The following IQGAP3 variants were observed in gnomAD, a reference collection of about 807,000 sequenced individuals.
The protein encoded by IQGAP3 is IQ motif containing GTPase activating protein 3.
Under a neutral mutation model 208.2 loss-of-function variants are expected in IQGAP3, and 165 were observed. The observed-to-expected ratio is 0.79, with a 90% confidence interval of 0.70 to 0.90. The LOEUF is 0.90. Among genes scored for constraint, IQGAP3 ranks in the 40% least tolerant of loss-of-function variants. The pLI is 0.00. For missense variants in IQGAP3, 1,811 were observed against 2,043.1 expected, an observed-to-expected ratio of 0.89 and a Z score of 2.19; for synonymous variants, 703 against 803.6, an observed-to-expected ratio of 0.87 and a Z score of 2.12.
chr1:156,529,228 G>A lies in IQGAP3; in HGVS notation c.4405-146C>T. 4.6e-6 allele frequency: 4 copies of A among 874,254 alleles called. No homozygotes were observed. In the South Asian group the frequency reaches 6.7e-5, roughly 15 times the overall value. 54.2% of individuals were successfully genotyped at this position (874,254 alleles called of 1,614,324 possible). On this transcript the variant is annotated intron_variant, in intron 34 of 37. Transcript: ENST00000361170. Reference sequence around the variant, plus strand: ...GTTTTCCTAGAAGGAAAATCTCAAGGATGGTATTCCAAATCCTCAAGGCAT... The same window carrying A: ...GTTTTCCTAGAAGGAAAATCTCAAGAATGGTATTCCAAATCCTCAAGGCAT...
chr1:156,527,973 C>T lies in IQGAP3; in HGVS notation c.4761G>A (p.Glu1587=). ...TCACCTGATAGTGAAGCTGAAATCG[C>T]TCCATGTCCACACCCAGGAACTTGG... ...VNAKFLGVDM[E]RFQLHYQDLL... is the part of the protein sequence containing the mutation. Residue 1587 remains glutamate (E), a synonymous_variant, in exon 37 of 38, where the codon GAG becomes GAA. Transcript: ENST00000361170. 6 of 1,613,558 alleles carry T rather than the reference C, an allele frequency of 3.7e-6. No individual in the cohort carries two copies. The South Asian group carries it at 6.6e-5, about 18-fold the overall frequency.
At chr1:156,570,229 G>T (rs890019680) in intron 1 of IQGAP3, among the ~76,000 whole-genome samples, 12 of 152,166 alleles carry the variant, frequency 7.9e-5, no homozygotes, top group Admixed American at 7.9e-4. Flanking sequence ...TGGACTAGCA[G>T]ACCCCTACTC....
In IQGAP3 at chr1:156,535,167, T is replaced by G; in HGVS notation, c.3503A>C (p.Tyr1168Ser). The change falls in exon 28 of 38, where the codon TAT (tyrosine) becomes TCT (serine). Residue 1168 changes from tyrosine to serine, a missense_variant. Coordinates refer to ENST00000361170, the MANE Select transcript of IQGAP3 (RefSeq NM_178229.5). ...KFPDATDSEV[Y>S]KVVGNLLYYR... The stretch of plus-strand genomic sequence containing the variant: ...GGGTGGGGAGACAACACTTGCCTTA[T>G]AGACCTCGCTGTCTGTGGCGTCAGG... 1 of 1,612,606 alleles carries G rather than the reference T, an allele frequency of 6.2e-7. No homozygotes were observed. Among genetic ancestry groups the G allele is most frequent in the Non-Finnish European group, 8.5e-7 (1 of 1,178,776 alleles).
chr1:156,544,146 ACT>A lies in IQGAP3; in HGVS notation c.2460+4_2460+5del, dbSNP rs536405305. 5.6e-6 allele frequency: 9 copies of A among 1,614,000 alleles called. No individual in the cohort carries two copies. In the South Asian group the frequency reaches 7.7e-5, roughly 14 times the overall value. On this transcript the variant is annotated splice_donor_5th_base_variant and intron_variant, in intron 21 of 37. Coordinates refer to ENST00000361170, the MANE Select transcript of IQGAP3 (RefSeq NM_178229.5). ...ATGTGGGCAGGGGGAACAAGGTGAC[ACT>A]CACATTCTTCTGGAAGTAGTGCAGA...
chr1:156,558,357 G>A lies in IQGAP3; in HGVS notation c.1130-1664C>T, dbSNP rs1202096610. 6.7e-3 allele frequency among the ~76,000 whole-genome samples: 289 copies of A among 43,314 alleles called. 1 individual carries two copies. Among genetic ancestry groups the A allele is most frequent in the African/African-American group, 0.021 (256 of 12,020 alleles). 28.4% of individuals were successfully genotyped at this position (43,314 alleles called of 152,430 possible). ...GCCCCTCTGCCTGGCGAGCCGCCCCGTCCGGGAGGGTGGTGGGGGGGTCAG... is the reference window on the plus strand; with the variant it reads ...GCCCCTCTGCCTGGCGAGCCGCCCCATCCGGGAGGGTGGTGGGGGGGTCAG... On this transcript the variant is annotated intron_variant, in intron 11 of 37. Coordinates refer to ENST00000361170, the MANE Select transcript of IQGAP3 (RefSeq NM_178229.5).
chr1:156,560,311 A>G (rs971603818), intron 11 of IQGAP3, among the ~76,000 whole-genome samples: 1 of 152,136 alleles, frequency 6.6e-6, no homozygotes, highest in African/African-American at 2.4e-5. Flanking sequence ...CAGGAGTTTG[A>G]GACCCACCTG....
chr1:156,553,732 C>A (rs1675679501), intron 13 of IQGAP3, among the ~76,000 whole-genome samples: 1 of 152,128 alleles, frequency 6.6e-6, no homozygotes, highest in African/African-American at 2.4e-5. Flanking sequence ...GAGGCATGTG[C>A]CACCACGCCC....
At chr1:156,556,022 G>C (rs1675807072) in intron 12 of IQGAP3, among the ~76,000 whole-genome samples, 1 of 152,120 alleles carries the variant, frequency 6.6e-6, no homozygotes, top group African/African-American at 2.4e-5. Context: ...CCATTTCCTT[G>C]GTCTGAAGAC....
rs888996660 is a variant in IQGAP3 at position 156,525,858 on chromosome 1, C to G, written c.*628G>C. 1 of 152,824 alleles carries G rather than the reference C, an allele frequency of 6.5e-6. No individual in the cohort carries two copies. The highest frequency in any genetic ancestry group is 2.4e-5 in the African/African-American group (1 of 41,288). The allele number at this position is 152,824 out of a possible 1,614,324, so 9.5% of individuals were successfully genotyped here. A position where few individuals can be genotyped will look rare whatever the true frequency, so the allele number is the denominator to read the frequency against. ...ACCCACATATTAAACAGACCACAGA[C>G]AAGAGAACAAGACTTGAAGCTAATG... On this transcript the variant is annotated 3_prime_UTR_variant, in exon 38 of 38. Transcript: ENST00000361170.
At chr1:156,535,337 TC>T in intron 27 of IQGAP3, 90 bp from the exon 28 acceptor site, 2 of 881,932 alleles carry the variant, frequency 2.3e-6, no homozygotes, top group Non-Finnish European at 1.8e-6. Context: ...CTGTCTCTTC[TC>T]CCCCAGGCTC....
At chr1:156,526,798 A>G (rs1460396439) in intron 37 of IQGAP3, among the ~76,000 whole-genome samples, 199 bp from the exon 38 acceptor site, 3 of 152,142 alleles carry the variant, frequency 2.0e-5, no homozygotes, top group African/African-American at 7.2e-5. Context: ...ATGTCAACTC[A>G]AGCAGAACCA....
chr1:156,537,524 T>G (rs755087269), intron 26 of IQGAP3, among the ~76,000 whole-genome samples: 2 of 152,130 alleles, frequency 1.3e-5, no homozygotes, highest in Non-Finnish European at 2.9e-5. Flanking sequence ...AGTTGGAGTA[T>G]CTACAGGGAA....
intron 8 of IQGAP3, 83 bp downstream of exon 8, chr1:156,563,051 A>G: frequency 8.2e-7 from 1 of 1,225,936 alleles, no homozygotes; most frequent in Non-Finnish European, 1.1e-6. Flanking sequence ...TACTAGAGAC[A>G]TGACAGATAG....
rs1676164749 is a variant in IQGAP3, at chr1:156,561,877, G to C, written c.1002C>G (p.Tyr334Ter). The change falls in exon 10 of 38, where the codon TAC becomes TAG. Residue 334 changes from tyrosine (Y) to a stop codon, truncating the protein, a stop_gained. Transcript: ENST00000361170. LOFTEE classifies it high-confidence loss of function. The part of the protein sequence containing the change: ...RGVRRDFADW[Y>*]LEQLNSDREQ... ...CTCTGTCTGAGTTCAGCTGCTCCAG[G>C]TACCAGTCAGCAAAGTCTCTCCTCA... The C allele has an allele frequency of 6.2e-7, 1 of 1,613,906 alleles. No individual in the cohort carries two copies.
intron 4 of IQGAP3, among the ~76,000 whole-genome samples, chr1:156,565,589 C>T (rs1478229324): frequency 6.6e-6 from 1 of 152,200 alleles, no homozygotes; most frequent in East Asian, 1.9e-4. Flanking sequence ...GGCTCACTAT[C>T]CCCATTTTAC....
chr1:156,563,438 C>A (rs945604726), intron 7 of IQGAP3, 115 bp downstream of exon 7: 1 of 1,320,814 alleles, frequency 7.6e-7, no homozygotes, highest in Non-Finnish European at 1.0e-6. Context: ...ACCAGGTAGC[C>A]TGATGGCCCT....
chr1:156,570,591 C>T (rs1676604047), intron 1 of IQGAP3, among the ~76,000 whole-genome samples: 1 of 152,202 alleles, frequency 6.6e-6, no homozygotes, highest in Admixed American at 6.5e-5. Flanking sequence ...CAGCCTTGAC[C>T]TCCTGGGCTC....
chr1:156,531,769 T>TA lies in IQGAP3; in HGVS notation c.4104-523dup, dbSNP rs1186091647. ...ACAGGTGCCTGCCACCACACCCAGC[T>TA]AATTTGTGTATTTTCAGTAGAGATG... On this transcript the variant is annotated intron_variant, in intron 32 of 37. Coordinates refer to ENST00000361170, the MANE Select transcript of IQGAP3 (RefSeq NM_178229.5). Among the ~76,000 whole-genome samples the TA allele has an allele frequency of 2.0e-5, 3 of 151,956 alleles. No homozygotes were observed. In the South Asian group the frequency reaches 6.2e-4, roughly 32 times the overall value.
At chr1:156,555,125 C>T (rs975741319) in intron 12 of IQGAP3, among the ~76,000 whole-genome samples, 2 of 152,204 alleles carry the variant, frequency 1.3e-5, no homozygotes, top group Non-Finnish European at 2.9e-5. Context: ...CGCCTCCACA[C>T]TGCACTGCAC....
Sources: allele counts gnomAD v4.1 joint callset (sites outside exome capture counted in the v4.1 genomes callset), GRCh38; gene constraint gnomAD v4.1.1; transcripts MANE v1.5; gene names NCBI Gene and HGNC (gene_info 2026-07-23, HGNC 2026-07-21).